RHBDD1: variants seen among roughly 807,000 people sequenced by gnomAD.
The protein encoded by RHBDD1 is rhomboid domain containing 1.
A neutral mutation model predicts 36.3 loss-of-function variants in RHBDD1; 38 were observed. That is an observed-to-expected ratio of 1.05 (90% CI 0.81 to 1.37). The LOEUF (loss-of-function observed/expected upper bound fraction) is 1.37. Ranked by LOEUF, RHBDD1 falls within the 40% of genes most tolerant of loss-of-function variation. The probability of loss-of-function intolerance (pLI) is 0.00; values close to 1 mark genes in which losing one functional copy is unlikely to be tolerated. For missense variants in RHBDD1, 393 were observed against 377.6 expected (o/e 1.04, Z -0.34); for synonymous variants, 151 against 136.5 (o/e 1.11, Z -0.74).
intron 1 of RHBDD1, 147 bp downstream of exon 1, chr2:226,836,234 C>T (rs1480790361): frequency 6.6e-6 from 1 of 152,660 alleles, no homozygotes; most frequent in African/African-American, 2.4e-5. Flanking sequence ...GCGAGGGAGG[C>T]ATGGCGGGGC....
chr2:226,834,094 G>T (rs1332682544), upstream of RHBDD1, among the ~76,000 whole-genome samples: 1 of 151,978 alleles, frequency 6.6e-6, no homozygotes, highest in Non-Finnish European at 1.5e-5. Flanking sequence ...ACATTTTAAC[G>T]AAATTATTGA....
chr2:226,957,480 T>A (rs974077816), intron 8 of RHBDD1, among the ~76,000 whole-genome samples: 4 of 151,912 alleles, frequency 2.6e-5, no homozygotes, highest in Non-Finnish European at 5.9e-5. Flanking sequence ...CTCAGCACTT[T>A]GGGAGGCTAA....
At chr2:226,878,117 C>T (rs1945399549) in intron 5 of RHBDD1, among the ~76,000 whole-genome samples, 1 of 152,174 alleles carries the variant, frequency 6.6e-6, no homozygotes, top group Non-Finnish European at 1.5e-5. Context: ...TGCTACCTCT[C>T]TAGTCACGGG....
chr2:226,864,230 G>A (rs1221769994), intron 3 of RHBDD1, among the ~76,000 whole-genome samples: 5 of 151,924 alleles, frequency 3.3e-5, no homozygotes, highest in African/African-American at 1.2e-4. Context: ...AAAAATGGAG[G>A]GGATAAAGAA....
intron 3 of RHBDD1, among the ~76,000 whole-genome samples, chr2:226,849,719 ATATC>A (rs1451381937): frequency 2.6e-5 from 4 of 152,200 alleles, no homozygotes; most frequent in Non-Finnish European, 4.4e-5. Context: ...GCCTATATCT[ATATC>A]TATATAATCT....
At position 226,865,073 on chromosome 2, in the gene RHBDD1, C is replaced by G. The variant is rs1181512251; in HGVS notation, c.380C>G (p.Ala127Gly). The G allele has an allele frequency of 2.5e-6, 4 of 1,613,936 alleles. No individual in the cohort carries two copies. The highest frequency in any genetic ancestry group is 3.3e-5 in the Admixed American group (2 of 59,988). Residue 127 changes from alanine (A) to glycine (G), a missense_variant, in exon 4 of 9, where the codon GCC (alanine) becomes GGC (glycine). Transcript: ENST00000392062. ...TACCTGCTCTTGCAATTTGCTGTTG[C>G]CGAATTTATGGATGAACCTGACTTC... ...VVYLLLQFAV[A>G]EFMDEPDFKR...
At chr2:226,829,800 G>A in the RHBDD1 span, among the ~76,000 whole-genome samples, 1 of 152,146 alleles carries the variant, frequency 6.6e-6, no homozygotes, top group Non-Finnish European at 1.5e-5. Flanking sequence ...CAGGTGATCT[G>A]TGAATAGAGT....
chr2:226,808,903 C>G, the RHBDD1 span, among the ~76,000 whole-genome samples: 1 of 151,858 alleles, frequency 6.6e-6, no homozygotes, highest in Non-Finnish European at 1.5e-5. Flanking sequence ...TTTTAAACTA[C>G]CACAGATTGA....
upstream of RHBDD1, among the ~76,000 whole-genome samples, chr2:226,831,924 G>A (rs1257090212): frequency 6.8e-6 from 1 of 147,400 alleles, no homozygotes; most frequent in African/African-American, 2.5e-5. Context: ...TTAATTTTTT[G>A]GCCAGTTTAA....
At chr2:226,861,686 GTAATAATGTTTGATATATGTAACATA>G (rs1943868125) in intron 3 of RHBDD1, among the ~76,000 whole-genome samples, 1 of 152,188 alleles carries the variant, frequency 6.6e-6, no homozygotes, top group African/African-American at 2.4e-5. Context: ...CCTGTTAAAG[GTAATAATGTTTGATATATGTAACATA>G]AATATTTCTG....
intron 8 of RHBDD1, among the ~76,000 whole-genome samples, chr2:226,990,660 T>C (rs957790956): frequency 6.6e-6 from 1 of 152,222 alleles, no homozygotes; most frequent in Admixed American, 6.5e-5. Context: ...ATGCAGAGGC[T>C]ACTGCATTTT....
At chr2:226,874,919 T>A (rs1472791768) in intron 5 of RHBDD1, among the ~76,000 whole-genome samples, 1 of 152,172 alleles carries the variant, frequency 6.6e-6, no homozygotes, top group African/African-American at 2.4e-5. Context: ...CCTTTTATTG[T>A]CTCCTTGTGA....
intron 8 of RHBDD1, among the ~76,000 whole-genome samples, chr2:226,966,222 G>C (rs1952617523): frequency 6.6e-6 from 1 of 152,152 alleles, no homozygotes; most frequent in Non-Finnish European, 1.5e-5. Context: ...GCTATGGAGA[G>C]TTCCCCAGGT....
chr2:226,851,532 G>A (rs1445033210), intron 3 of RHBDD1, among the ~76,000 whole-genome samples: 1 of 151,946 alleles, frequency 6.6e-6, no homozygotes, highest in Admixed American at 6.6e-5. Flanking sequence ...CACCTCTCTG[G>A]GAAATAGTCC....
intron 8 of RHBDD1, among the ~76,000 whole-genome samples, chr2:226,981,435 CAA>C (rs201620422): frequency 3.7e-5 from 5 of 136,974 alleles, no homozygotes; most frequent in Non-Finnish European, 3.2e-5. Context: ...CATTGAACTT[CAA>C]AAAAAAAAAA....
intron 3 of RHBDD1, among the ~76,000 whole-genome samples, chr2:226,855,465 C>G (rs1234890098): frequency 1.3e-5 from 2 of 152,222 alleles, no homozygotes; most frequent in Non-Finnish European, 2.9e-5. Context: ...GATTGTACCA[C>G]TGCACTCCAG....
chr2:226,844,273 GC>G (rs1941978673), intron 3 of RHBDD1, among the ~76,000 whole-genome samples: 2 of 152,272 alleles, frequency 1.3e-5, no homozygotes, highest in African/African-American at 4.8e-5. Context: ...TTGATTGATA[GC>G]TGCCCCCCGC....
At chr2:226,928,823 T>C (rs1177860368) in intron 8 of RHBDD1, among the ~76,000 whole-genome samples, 1 of 151,934 alleles carries the variant, frequency 6.6e-6, no homozygotes, top group Non-Finnish European at 1.5e-5. Context: ...ATGGAGACAC[T>C]ACAACCATCA....
intron 5 of RHBDD1, among the ~76,000 whole-genome samples, chr2:226,871,023 C>A (rs972083781): frequency 6.6e-6 from 1 of 152,064 alleles, no homozygotes; most frequent in African/African-American, 2.4e-5. Context: ...GAAAGCATTA[C>A]CCCCTAGGCT....
Sources: gnomAD v4.1 joint callset for allele counts (sites outside exome capture counted in the v4.1 genomes callset) on GRCh38, gnomAD v4.1.1 for gene constraint, MANE v1.5 for transcripts, NCBI Gene and HGNC (gene_info 2026-07-23, HGNC 2026-07-21) for gene names.